The following CTNNA2 variants were observed in gnomAD, a reference collection of about 807,000 sequenced individuals.
CTNNA2 encodes catenin alpha-2.
CTNNA2 carries 42 observed loss-of-function variants against 101.0 expected under a neutral mutation model. The observed-to-expected ratio is 0.42, with a 90% CI of 0.32 to 0.54. CTNNA2 has a LOEUF of 0.54. Among genes scored for constraint, CTNNA2 ranks in the 20% least tolerant of loss-of-function variants. CTNNA2 has a pLI of 0.14. For synonymous variants in CTNNA2, 450 were observed against 456.4 expected (o/e 0.99, Z 0.18); for missense variants, 871 against 1,223.1 (o/e 0.71, Z 4.29).
intron 2 of CTNNA2, among the ~76,000 whole-genome samples, chr2:79,262,588 A>C (rs1046852323): frequency 5.3e-5 from 8 of 152,118 alleles, no homozygotes; most frequent in Admixed American, 5.2e-4. Flanking sequence ...GCGGCTCCCA[A>C]AGTATGTGTC....
chr2:79,747,353 G>A (rs1423128735), intron 3 of CTNNA2, among the ~76,000 whole-genome samples: 1 of 151,906 alleles, frequency 6.6e-6, no homozygotes, highest in African/African-American at 2.4e-5. Flanking sequence ...TTCTTTTGTT[G>A]TGGGTTTTTT....
chr2:79,409,777 A>C (rs906963180), intron 4 of CTNNA2, among the ~76,000 whole-genome samples: 13 of 146,406 alleles, frequency 8.9e-5, no homozygotes, highest in African/African-American at 3.3e-4. Flanking sequence ...TGACTTGGTG[A>C]TGCGGGCTCT....
intron 3 of CTNNA2, among the ~76,000 whole-genome samples, chr2:79,317,259 G>A (rs372315154): frequency 6.6e-6 from 1 of 152,008 alleles, no homozygotes; most frequent in Non-Finnish European, 1.5e-5. Context: ...GGATAAATCC[G>A]ACTTGATTAT....
At position 79,842,107 on chromosome 2, in the gene CTNNA2, G is replaced by A. The variant is rs147505984; in HGVS notation, c.299-15906G>A. ...TAGTATCAGGATTTTATTTAGATTA[G>A]TTTTCAAAAATAAAGCCACAAAGTA... is the stretch of plus-strand genomic sequence containing the variant. On this transcript the variant is annotated intron_variant, in intron 3 of 18. Coordinates refer to ENST00000402739, the MANE Select transcript of CTNNA2 (RefSeq NM_001282597.3). Among the ~76,000 whole-genome samples, 675 of 152,118 alleles carry A rather than the reference G, an allele frequency of 4.4e-3. 3 individuals carry two copies. Among genetic ancestry groups the A allele is most frequent in the Non-Finnish European group, 6.9e-3 (471 of 68,008 alleles).
chr2:79,443,935 T>G (rs1446629718), intron 4 of CTNNA2, among the ~76,000 whole-genome samples: 1 of 149,202 alleles, frequency 6.7e-6, no homozygotes, highest in Non-Finnish European at 1.5e-5. Context: ...TCTCTCTCTC[T>G]CTCTCTGGCC....
intron 9 of CTNNA2, among the ~76,000 whole-genome samples, chr2:80,489,076 A>G (rs1686822888): frequency 6.6e-6 from 1 of 152,122 alleles, no homozygotes. Flanking sequence ...CTGTCTTTGC[A>G]TGTACCTTTG....
At chr2:79,362,234 T>G (rs1490308500) in intron 3 of CTNNA2, among the ~76,000 whole-genome samples, 1 of 152,202 alleles carries the variant, frequency 6.6e-6, no homozygotes, top group African/African-American at 2.4e-5. Context: ...TCATCTTACA[T>G]CTTTTTCCAA....
At chr2:80,070,012 A>G (rs561394911) in intron 7 of CTNNA2, among the ~76,000 whole-genome samples, 1 of 152,324 alleles carries the variant, frequency 6.6e-6, no homozygotes, top group Admixed American at 6.5e-5. Flanking sequence ...TATATTCCAG[A>G]CATATTCTTT....
At chr2:79,895,553 A>G (rs1363073467) in intron 6 of CTNNA2, among the ~76,000 whole-genome samples, 1 of 152,142 alleles carries the variant, frequency 6.6e-6, no homozygotes, top group African/African-American at 2.4e-5. Context: ...AGCATCTCAA[A>G]CCACCGACAT....
rs1439942630 is a variant in CTNNA2 at position 80,303,646 on chromosome 2, G to A, written c.1057-89565G>A. The A allele has an allele frequency of 4.3e-6, 7 of 1,613,336 alleles. No homozygotes were observed. Among genetic ancestry groups the A allele is most frequent in the South Asian group, 1.1e-5 (1 of 91,022 alleles). On this transcript the variant is annotated intron_variant, in intron 7 of 18. Coordinates refer to ENST00000402739, the MANE Select transcript of CTNNA2 (RefSeq NM_001282597.3). The surrounding 1 kb of genome is among the most constrained non-coding windows in gnomAD (Gnocchi z 7.7). ...GGCCGGACAGGTTGTGGGGCGCCTC[G>A]GTGAGGTTGAGCGCCTCGCAGTACA...
chr2:80,359,440 G>T (rs1434985114), intron 7 of CTNNA2, among the ~76,000 whole-genome samples: 1 of 152,162 alleles, frequency 6.6e-6, no homozygotes, highest in East Asian at 1.9e-4. Flanking sequence ...TGGAGGCGGA[G>T]CCTGGTGGGA....
chr2:79,751,010 T>A (rs1432848547), intron 3 of CTNNA2, among the ~76,000 whole-genome samples: 1 of 152,244 alleles, frequency 6.6e-6, no homozygotes, highest in East Asian at 1.9e-4. Context: ...CAGGAATATG[T>A]GTTAAGTATA....
rs79679586 is a variant in CTNNA2 at position 79,812,094 on chromosome 2, C to G, written c.299-45919C>G. On this transcript the variant is annotated intron_variant, in intron 3 of 18. Transcript: ENST00000402739. ...TGTATGCGTGAATTGACCTTATATC[C>G]TGTGACCTTCTAAATTTAAGTATTA... is the stretch of plus-strand genomic sequence containing the variant. Among the ~76,000 whole-genome samples the G allele has an allele frequency of 1.2e-4, 19 of 152,226 alleles. 1 individual carries two copies. In the East Asian group the frequency reaches 3.5e-3, roughly 28 times the overall value.
At chr2:79,673,253 T>G (rs1276159229) in intron 2 of CTNNA2, among the ~76,000 whole-genome samples, 1 of 152,172 alleles carries the variant, frequency 6.6e-6, no homozygotes, top group Non-Finnish European at 1.5e-5. Context: ...TAGAGCAAAG[T>G]TATACCTCAT....
chr2:79,200,493 A>C (rs1042145058), intron 2 of CTNNA2, among the ~76,000 whole-genome samples: 1 of 152,230 alleles, frequency 6.6e-6, no homozygotes, highest in Non-Finnish European at 1.5e-5. Flanking sequence ...CCATAAGGAA[A>C]AACAGAGATT....
intron 7 of CTNNA2, among the ~76,000 whole-genome samples, chr2:80,164,950 T>TTTTTTGTTTG (rs1553461432): frequency 6.7e-6 from 1 of 148,784 alleles, no homozygotes; most frequent in African/African-American, 2.5e-5. Flanking sequence ...TTTTTTTTTT[T>TTTTTTGTTTG]TTTTTTTCTA....
intron 2 of CTNNA2, among the ~76,000 whole-genome samples, chr2:79,203,628 A>T (rs955230505): frequency 1.1e-4 from 16 of 152,240 alleles, no homozygotes; most frequent in Admixed American, 3.3e-4. Context: ...CATAGTTTTT[A>T]AATCAAATGC....
chr2:80,538,773 T>C (rs1449479069), intron 9 of CTNNA2, among the ~76,000 whole-genome samples: 1 of 152,232 alleles, frequency 6.6e-6, no homozygotes, highest in Non-Finnish European at 1.5e-5. Context: ...AAGTGAATGG[T>C]AGCTTAATGG....
chr2:80,568,043 C>T (rs1029203388), intron 12 of CTNNA2, among the ~76,000 whole-genome samples: 4 of 152,116 alleles, frequency 2.6e-5, no homozygotes, highest in Admixed American at 6.5e-5. Flanking sequence ...CCTGTGCATG[C>T]AGATGTGCTT....
Sources: allele counts gnomAD v4.1 joint callset (sites outside exome capture counted in the v4.1 genomes callset), GRCh38; gene constraint gnomAD v4.1.1; non-coding constraint Gnocchi (gnomAD v3.1); transcripts MANE v1.5; gene names NCBI Gene and HGNC (gene_info 2026-07-23, HGNC 2026-07-21).